Variants in CNOT4 observed in about 807,000 individuals in gnomAD.
CNOT4 encodes CCR4-NOT transcription complex subunit 4.
A neutral mutation model predicts 73.8 loss-of-function variants in CNOT4; 8 were observed. The observed-to-expected ratio is 0.11, with a 90% CI of 0.06 to 0.20. The LOEUF (loss-of-function observed/expected upper bound fraction) is 0.20, where lower values mean the gene tolerates loss of function less well. Ranked by LOEUF, CNOT4 falls within the 10% of genes least tolerant of loss-of-function variation. CNOT4 has a pLI of 1.00. For missense variants in CNOT4, 564 were observed against 883.4 expected, an observed-to-expected ratio of 0.64 and a Z score of 4.58; for synonymous variants, 293 against 321.1, an observed-to-expected ratio of 0.91 and a Z score of 0.94.
chr7:135,401,412 T>A (rs1465805717), intron 7 of CNOT4, among the ~76,000 whole-genome samples: 1 of 152,158 alleles, frequency 6.6e-6, no homozygotes, highest in African/African-American at 2.4e-5. Flanking sequence ...TTATCAGATA[T>A]AAGAATTTGG....
chr7:135,440,890 G>A (rs1279136050), intron 1 of CNOT4, among the ~76,000 whole-genome samples: 1 of 151,264 alleles, frequency 6.6e-6, no homozygotes, highest in African/African-American at 2.4e-5. Context: ...CTCCAGCCTG[G>A]TGACAGAGAG....
intron 1 of CNOT4, among the ~76,000 whole-genome samples, chr7:135,492,813 C>T (rs1019167330): frequency 2.0e-5 from 3 of 152,034 alleles, no homozygotes; most frequent in South Asian, 2.1e-4. Context: ...CCATGAAGTG[C>T]CTTAAATGGG....
intron 2 of CNOT4, among the ~76,000 whole-genome samples, chr7:135,434,419 G>A (rs1253555997): frequency 6.6e-6 from 1 of 152,206 alleles, no homozygotes; most frequent in Non-Finnish European, 1.5e-5. Flanking sequence ...GAGGTTCTAG[G>A]AGATGTGATT....
At chr7:135,509,218 A>G (rs1171341158) in intron 1 of CNOT4, 1 of 152,452 alleles carries the variant, frequency 6.6e-6, no homozygotes, top group African/African-American at 2.4e-5. Context: ...CAGGTGGGTT[A>G]GCAGGAGGAG....
At chr7:135,392,160 A>C (rs1170452224) in intron 10 of CNOT4, among the ~76,000 whole-genome samples, 4 of 152,094 alleles carry the variant, frequency 2.6e-5, no homozygotes, top group Non-Finnish European at 5.9e-5. Flanking sequence ...CTACTTATTC[A>C]ATGAAGCCTC....
chr7:135,454,701 G>C (rs1464414070), intron 1 of CNOT4, among the ~76,000 whole-genome samples: 3 of 151,928 alleles, frequency 2.0e-5, no homozygotes, highest in Non-Finnish European at 4.4e-5. Flanking sequence ...AGACCAGCCT[G>C]GGCAACGTGG....
chr7:135,419,513 T>C (rs1798060899), intron 3 of CNOT4, among the ~76,000 whole-genome samples: 1 of 152,316 alleles, frequency 6.6e-6, no homozygotes, highest in African/African-American at 2.4e-5. Context: ...CTGGTCTTTC[T>C]GGACTTTCAA....
chr7:135,430,006 A>G (rs781405485), intron 2 of CNOT4, among the ~76,000 whole-genome samples: 7 of 152,242 alleles, frequency 4.6e-5, no homozygotes, highest in Non-Finnish European at 1.0e-4. Flanking sequence ...AGAGGTCTAC[A>G]TACAGGAATA....
intron 1 of CNOT4, among the ~76,000 whole-genome samples, chr7:135,472,203 C>A (rs528156639): frequency 6.7e-6 from 1 of 150,228 alleles, no homozygotes; most frequent in Non-Finnish European, 1.5e-5. Context: ...ACAGGCTGGG[C>A]GTGGTGGCTC....
intron 1 of CNOT4, among the ~76,000 whole-genome samples, chr7:135,488,076 A>T (rs1341886022): frequency 2.0e-5 from 3 of 152,064 alleles, no homozygotes; most frequent in Non-Finnish European, 2.9e-5. Flanking sequence ...CTCAAAGAAG[A>T]AAAAAAAGAA....
intron 1 of CNOT4, among the ~76,000 whole-genome samples, chr7:135,489,857 A>T (rs1802992853): frequency 6.6e-6 from 1 of 152,228 alleles, no homozygotes; most frequent in African/African-American, 2.4e-5. Flanking sequence ...AATAGTTAAC[A>T]TATATACAAT....
intron 10 of CNOT4, among the ~76,000 whole-genome samples, chr7:135,375,644 G>A (rs1335716896): frequency 6.6e-6 from 1 of 152,180 alleles, no homozygotes; most frequent in East Asian, 1.9e-4. Context: ...GTGTGTTAGG[G>A]CTGGGCGCGG....
chr7:135,470,123 T>C (rs1801482888), intron 1 of CNOT4, among the ~76,000 whole-genome samples: 1 of 151,238 alleles, frequency 6.6e-6, no homozygotes, highest in Non-Finnish European at 1.5e-5. Context: ...GTGCCGAGCC[T>C]GGTGTGTTTT....
intron 3 of CNOT4, among the ~76,000 whole-genome samples, chr7:135,417,318 A>C (rs953101594): frequency 6.6e-6 from 1 of 152,246 alleles, no homozygotes; most frequent in South Asian, 2.1e-4. Flanking sequence ...CACCTTGAAT[A>C]GCAAGGTTCT....
At chr7:135,473,295 C>T (rs1801759009) in intron 1 of CNOT4, among the ~76,000 whole-genome samples, 1 of 151,886 alleles carries the variant, frequency 6.6e-6, no homozygotes, top group Non-Finnish European at 1.5e-5. Context: ...AAGTTATTTA[C>T]AATTTAAAAA....
At chr7:135,406,911 A>T (rs922513074) in intron 7 of CNOT4, among the ~76,000 whole-genome samples, 1 of 152,220 alleles carries the variant, frequency 6.6e-6, no homozygotes, top group Non-Finnish European at 1.5e-5. Context: ...AAAAATAAGT[A>T]AATAATATAG....
intron 1 of CNOT4, among the ~76,000 whole-genome samples, chr7:135,462,565 T>C (rs1195908704): frequency 6.6e-6 from 1 of 152,250 alleles, no homozygotes; most frequent in Non-Finnish European, 1.5e-5. Flanking sequence ...TCCTTCCTAA[T>C]ACTTCCTTAT....
intron 2 of CNOT4, among the ~76,000 whole-genome samples, chr7:135,431,168 G>T (rs1217509864): frequency 6.6e-6 from 1 of 151,952 alleles, no homozygotes; most frequent in African/African-American, 2.4e-5. Flanking sequence ...GGAAGGCTGA[G>T]ACAGAAGTAC....
chr7:135,414,567 G>T (rs1797749056), intron 4 of CNOT4, 135 bp from the exon 5 acceptor site: 4 of 525,526 alleles, frequency 7.6e-6, no homozygotes, highest in African/African-American at 1.9e-5. Flanking sequence ...TAGTAGTAGT[G>T]GCAGTTTTGA....
Sources: allele counts gnomAD v4.1 joint callset (sites outside exome capture counted in the v4.1 genomes callset), GRCh38; gene constraint gnomAD v4.1.1; transcripts MANE v1.5; gene names NCBI Gene and HGNC (gene_info 2026-07-23, HGNC 2026-07-21).